Variants in TMEM245 observed in about 807,000 individuals in gnomAD.
TMEM245 encodes the protein transmembrane protein 245.
Under a neutral mutation model 101.2 loss-of-function variants are expected in TMEM245, and 69 were observed. The observed-to-expected ratio is 0.68, with a 90% confidence interval of 0.56 to 0.83. The LOEUF is 0.83. Ranked by LOEUF, TMEM245 falls within the 40% of genes least tolerant of loss-of-function variation. TMEM245 has a pLI of 0.00. For synonymous variants in TMEM245, 537 were observed against 449.8 expected (o/e 1.19, Z -2.45); for missense variants, 1,075 against 1,092.8 (o/e 0.98, Z 0.23).
chr9:109,074,626 T>C (rs1158527041), intron 8 of TMEM245, among the ~76,000 whole-genome samples: 2 of 149,742 alleles, frequency 1.3e-5, no homozygotes, highest in African/African-American at 4.9e-5. Context: ...TTCCATAGTA[T>C]GCCAGGAATT....
At chr9:109,085,175 T>C (rs904325666) in intron 7 of TMEM245, among the ~76,000 whole-genome samples, 7 of 152,220 alleles carry the variant, frequency 4.6e-5, no homozygotes, top group Non-Finnish European at 1.0e-4. Context: ...GTGCAATTAT[T>C]GCTCACTACA....
At chr9:109,023,814 C>G (rs1298200962) in intron 17 of TMEM245, among the ~76,000 whole-genome samples, 1 of 143,536 alleles carries the variant, frequency 7.0e-6, no homozygotes, top group Non-Finnish European at 1.5e-5. Flanking sequence ...CCAGCCTAGG[C>G]GACAGAGTGA....
chr9:109,112,547 A>G (rs1378964153), intron 1 of TMEM245, among the ~76,000 whole-genome samples: 1 of 151,930 alleles, frequency 6.6e-6, no homozygotes, highest in Non-Finnish European at 1.5e-5. Context: ...ATCTCAAAAA[A>G]AAAAAAAAGA....
At chr9:109,102,892 C>G (rs950348628) in intron 3 of TMEM245, among the ~76,000 whole-genome samples, 1 of 152,232 alleles carries the variant, frequency 6.6e-6, no homozygotes, top group African/African-American at 2.4e-5. Context: ...TTTACCTCTC[C>G]AGTCACAGCT....
intron 6 of TMEM245, 37 bp downstream of exon 6, chr9:109,087,136 C>G (rs1588064206): frequency 6.5e-7 from 1 of 1,540,452 alleles, no homozygotes; most frequent in Non-Finnish European, 8.7e-7. Context: ...AATATATTAA[C>G]TCCATTAAGA....
intron 11 of TMEM245, among the ~76,000 whole-genome samples, chr9:109,057,737 C>A (rs2132422019): frequency 6.6e-6 from 1 of 151,900 alleles, no homozygotes; most frequent in East Asian, 1.9e-4. Flanking sequence ...GGTGACAGAG[C>A]AAGACTCTGT....
intron 8 of TMEM245, among the ~76,000 whole-genome samples, chr9:109,076,704 G>A (rs1233549615): frequency 6.6e-6 from 1 of 151,338 alleles, no homozygotes; most frequent in Non-Finnish European, 1.5e-5. Context: ...TGCTTTTTTT[G>A]TTTGAGACAG....
At chr9:109,098,623 G>A (rs1478024333) in intron 3 of TMEM245, among the ~76,000 whole-genome samples, 1 of 151,782 alleles carries the variant, frequency 6.6e-6, no homozygotes, top group Non-Finnish European at 1.5e-5. Flanking sequence ...TGCCAGGACT[G>A]AGAATCTTGG....
intron 12 of TMEM245, 42 bp from the exon 13 acceptor site, chr9:109,050,734 G>A (rs763295496): frequency 1.9e-6 from 3 of 1,606,858 alleles, no homozygotes; most frequent in Non-Finnish European, 2.5e-6. Flanking sequence ...CAATCCTCAT[G>A]AAAAAAGTTT....
rs142623171 is a variant in TMEM245 at position 109,016,402 on chromosome 9, A to C, written c.*4058T>G. 1 of 151,942 alleles carries C rather than the reference A, an allele frequency of 6.6e-6. No individual in the cohort carries two copies. Among genetic ancestry groups the C allele is most frequent in the African/African-American group, 2.4e-5 (1 of 41,554 alleles). The allele number at this position is 151,942 out of a possible 1,614,324, so 9.4% of individuals were successfully genotyped here. ...TCAACCATGAAGAAAAGGAAAGAGA[A>C]GTAGAACAACGGACTGACAGAAAAA... is the stretch of plus-strand genomic sequence containing the variant. On this transcript the variant is annotated 3_prime_UTR_variant, in exon 18 of 18. Transcript: ENST00000374586.
intron 11 of TMEM245, among the ~76,000 whole-genome samples, chr9:109,059,558 T>C (rs1455941800): frequency 6.6e-6 from 1 of 152,132 alleles, no homozygotes; most frequent in Non-Finnish European, 1.5e-5. Flanking sequence ...GGCATGCACC[T>C]GTAATCCCAG....
chr9:109,054,064 C>G (rs1278240448), intron 12 of TMEM245, among the ~76,000 whole-genome samples: 2 of 152,196 alleles, frequency 1.3e-5, no homozygotes, highest in African/African-American at 2.4e-5. Flanking sequence ...GGCATGGTGG[C>G]TCATGCCTGT....
At chr9:109,043,715 G>A (rs1235046703) in intron 14 of TMEM245, among the ~76,000 whole-genome samples, 1 of 152,142 alleles carries the variant, frequency 6.6e-6, no homozygotes. Flanking sequence ...TAGAGGCACG[G>A]TTTTCTAACA....
At chr9:109,118,468 T>A (rs183985828) in intron 1 of TMEM245, among the ~76,000 whole-genome samples, 39 of 152,376 alleles carry the variant, frequency 2.6e-4, no homozygotes, top group African/African-American at 8.9e-4. Flanking sequence ...CAGTTAAATA[T>A]GTGGATAATT....
At chr9:109,027,255 A>ATCCTCTG (rs1301477905) in intron 17 of TMEM245, among the ~76,000 whole-genome samples, 1 of 151,878 alleles carries the variant, frequency 6.6e-6, no homozygotes, top group Non-Finnish European at 1.5e-5. Flanking sequence ...GCAGTAAGAC[A>ATCCTCTG]ACACCCTCTG....
intron 17 of TMEM245, 79 bp from the exon 18 acceptor site, chr9:109,020,584 T>C: frequency 1.6e-6 from 2 of 1,271,880 alleles, no homozygotes; most frequent in Non-Finnish European, 2.3e-6. Context: ...GGAGCCCTAA[T>C]GAGATTATAT....
intron 14 of TMEM245, among the ~76,000 whole-genome samples, chr9:109,049,266 T>A (rs1011495762): frequency 6.6e-6 from 1 of 152,238 alleles, no homozygotes; most frequent in South Asian, 2.1e-4. Flanking sequence ...TAGGCTGCAG[T>A]GCAGTGGTGT....
chr9:109,022,890 C>T (rs543790301), intron 17 of TMEM245, among the ~76,000 whole-genome samples: 1 of 152,278 alleles, frequency 6.6e-6, no homozygotes, highest in Admixed American at 6.5e-5. Flanking sequence ...TTCTCAGATA[C>T]CTGTAATTTT....
chr9:109,021,240 G>C (rs983060959), intron 17 of TMEM245, among the ~76,000 whole-genome samples: 1 of 152,160 alleles, frequency 6.6e-6, no homozygotes, highest in African/African-American at 2.4e-5. Flanking sequence ...ATTTACATCT[G>C]TGCTGGCAGC....
Sources: allele counts gnomAD v4.1 joint callset (sites outside exome capture counted in the v4.1 genomes callset), GRCh38; gene constraint gnomAD v4.1.1; transcripts MANE v1.5; gene names NCBI Gene and HGNC (gene_info 2026-07-23, HGNC 2026-07-21).